The following GRB10 variants were observed in gnomAD, a reference collection of about 807,000 sequenced individuals.
The protein encoded by GRB10 is growth factor receptor bound protein 10.
Under a neutral mutation model 80.9 loss-of-function variants are expected in GRB10, and 20 were observed. That is an observed-to-expected ratio of 0.25 (90% CI 0.17 to 0.36). The LOEUF (loss-of-function observed/expected upper bound fraction) is 0.36, where lower values mean the gene tolerates loss of function less well. Ranked by LOEUF, GRB10 falls within the 10% of genes least tolerant of loss-of-function variation. GRB10 has a pLI of 1.00. For missense variants in GRB10, 548 were observed against 747.7 expected (o/e 0.73, Z 3.12); for synonymous variants, 291 against 291.5 (o/e 1.00, Z 0.02).
At chr7:50,703,693 T>G in intron 5 of GRB10, 128 bp downstream of exon 5, 22 of 700,366 alleles carry the variant, frequency 3.1e-5, no homozygotes, top group Non-Finnish European at 5.4e-5. Flanking sequence ...CTGTCCTTAA[T>G]GAGAAAAGAA....
intron 7 of GRB10, among the ~76,000 whole-genome samples, chr7:50,664,466 G>A (rs1206108132): frequency 3.3e-5 from 5 of 152,204 alleles, no homozygotes; most frequent in Non-Finnish European, 2.9e-5. Context: ...CCTCTGCAGT[G>A]TGTCTGTGGG....
intron 3 of GRB10, among the ~76,000 whole-genome samples, chr7:50,754,121 G>A (rs949086210): frequency 6.6e-6 from 1 of 152,192 alleles, no homozygotes; most frequent in African/African-American, 2.4e-5. Context: ...ATTCAGCTTC[G>A]CAGGGCTGCC....
chr7:50,730,332 G>A (rs2069459120), intron 4 of GRB10, among the ~76,000 whole-genome samples: 1 of 152,166 alleles, frequency 6.6e-6, no homozygotes, highest in Non-Finnish European at 1.5e-5. Context: ...TGCTGCAAGT[G>A]AACAGCTAGA....
intron 2 of GRB10, among the ~76,000 whole-genome samples, chr7:50,764,086 C>T (rs1161562839): frequency 2.0e-5 from 3 of 152,234 alleles, no homozygotes; most frequent in Non-Finnish European, 4.4e-5. Flanking sequence ...ATGGCCTTTG[C>T]ATGCTCTCTG....
chr7:50,753,279 TG>T (rs1051587914), intron 3 of GRB10, among the ~76,000 whole-genome samples: 3 of 152,226 alleles, frequency 2.0e-5, no homozygotes, highest in Admixed American at 6.5e-5. Context: ...CCCAGGGGAT[TG>T]GGCTTCAACT....
intron 4 of GRB10, among the ~76,000 whole-genome samples, chr7:50,713,139 G>A (rs2066151860): frequency 1.3e-5 from 2 of 152,132 alleles, no homozygotes; most frequent in Admixed American, 6.5e-5. Flanking sequence ...ATGACCTTGG[G>A]GAAGACATTA....
intron 5 of GRB10, among the ~76,000 whole-genome samples, chr7:50,690,442 T>A (rs2062682133): frequency 6.6e-6 from 1 of 152,222 alleles, no homozygotes; most frequent in African/African-American, 2.4e-5. Flanking sequence ...TAGGGGAAAT[T>A]TAAAAGTATT....
chr7:50,591,196 A>G lies in GRB10; in HGVS notation c.*1756T>C, dbSNP rs2045809648. 6.6e-6 allele frequency: 1 copy of G among 152,274 alleles called. No individual in the cohort carries two copies. The highest frequency in any genetic ancestry group is 2.1e-4 in the South Asian group (1 of 4,836). The allele number at this position is 152,274 out of a possible 1,614,324, so 9.4% of individuals were successfully genotyped here. On this transcript the variant is annotated 3_prime_UTR_variant, in exon 19 of 19. Coordinates refer to ENST00000401949, the MANE Select transcript of GRB10 (RefSeq NM_001350814.2). Reference sequence around the variant, plus strand: ...CAATTGAGCACTGATGGTTAAAAACATGTTTTGCTAGAAAATTCTTCATTT... The same window carrying G: ...CAATTGAGCACTGATGGTTAAAAACGTGTTTTGCTAGAAAATTCTTCATTT...
intron 2 of GRB10, among the ~76,000 whole-genome samples, chr7:50,771,433 TG>T (rs529922275): frequency 6.6e-6 from 1 of 152,302 alleles, no homozygotes; most frequent in Non-Finnish European, 1.5e-5. Flanking sequence ...GTTCCTCCCC[TG>T]CCTCCTGCAT....
intron 1 of GRB10, among the ~76,000 whole-genome samples, chr7:50,791,712 C>T (rs2153717803): frequency 6.6e-6 from 1 of 152,310 alleles, no homozygotes; most frequent in East Asian, 1.9e-4. Flanking sequence ...AATTCCCTCC[C>T]TGTAATCTGG....
chr7:50,693,363 C>T (rs1009807156), intron 5 of GRB10, among the ~76,000 whole-genome samples: 1 of 152,186 alleles, frequency 6.6e-6, no homozygotes, highest in Non-Finnish European at 1.5e-5. Flanking sequence ...CTTTTTTCTA[C>T]ACTTCCCCTG....
chr7:50,777,429 T>TACCCACACACACAC, intron 2 of GRB10, among the ~76,000 whole-genome samples: 1 of 146,272 alleles, frequency 6.8e-6, no homozygotes, highest in Admixed American at 6.8e-5. Context: ...GCAATCTGTA[T>TACCCACACACACAC]ACACACACAC....
At chr7:50,716,733 C>T (rs1426891585) in intron 4 of GRB10, among the ~76,000 whole-genome samples, 1 of 152,200 alleles carries the variant, frequency 6.6e-6, no homozygotes, top group Non-Finnish European at 1.5e-5. Flanking sequence ...TCTCTCCCCT[C>T]CCTCCATCCC....
At chr7:50,785,271 G>C (rs2078645936), upstream of GRB10, among the ~76,000 whole-genome samples, 1 of 152,218 alleles carries the variant, frequency 6.6e-6, no homozygotes, top group Admixed American at 6.5e-5. Context: ...ATGTCCTTTT[G>C]AAAGTGGGAA....
chr7:50,611,383 C>T (rs2049503772), intron 13 of GRB10, among the ~76,000 whole-genome samples: 1 of 152,202 alleles, frequency 6.6e-6, no homozygotes, highest in African/African-American at 2.4e-5. Flanking sequence ...CACTGATGAC[C>T]CTTACACTGA....
At chr7:50,600,870 C>T (rs1585472272) in intron 17 of GRB10, among the ~76,000 whole-genome samples, 1 of 152,142 alleles carries the variant, frequency 6.6e-6, no homozygotes, top group East Asian at 1.9e-4. Flanking sequence ...TTACATAGGC[C>T]CTGCCCTTCC....
chr7:50,774,998 A>AC (rs1218896369), intron 2 of GRB10, among the ~76,000 whole-genome samples: 3 of 149,944 alleles, frequency 2.0e-5, no homozygotes, highest in East Asian at 4.0e-4. Context: ...AACAAAACAA[A>AC]ACAAAAAAAA....
At chr7:50,700,132 C>A (rs1277426621) in intron 5 of GRB10, among the ~76,000 whole-genome samples, 1 of 151,656 alleles carries the variant, frequency 6.6e-6, no homozygotes, top group African/African-American at 2.4e-5. Context: ...GAGCGAGACT[C>A]CATCTCAAAA....
At chr7:50,629,591 C>T (rs2053619741) in intron 7 of GRB10, among the ~76,000 whole-genome samples, 1 of 152,196 alleles carries the variant, frequency 6.6e-6, no homozygotes, top group African/African-American at 2.4e-5. Context: ...GACCCAGAGA[C>T]AGAACACCAA....
Sources: gnomAD v4.1 joint callset for allele counts (sites outside exome capture counted in the v4.1 genomes callset) on GRCh38, gnomAD v4.1.1 for gene constraint, MANE v1.5 for transcripts, NCBI Gene and HGNC (gene_info 2026-07-23, HGNC 2026-07-21) for gene names.